Variants in LARS2 observed in about 807,000 individuals in gnomAD.
LARS2 encodes the protein leucine--tRNA ligase, mitochondrial.
Under a neutral mutation model 116.6 loss-of-function variants are expected in LARS2, and 81 were observed. That is an observed-to-expected ratio of 0.69 (90% CI 0.58 to 0.84). The LOEUF (loss-of-function observed/expected upper bound fraction) is 0.84, where lower values mean the gene tolerates loss of function less well. Among genes scored for constraint, LARS2 ranks in the 40% least tolerant of loss-of-function variants. LARS2 has a pLI of 0.00. For missense variants in LARS2, 968 were observed against 1,114.5 expected (o/e 0.87, Z 1.87); for synonymous variants, 396 against 407.2 (o/e 0.97, Z 0.33).
intron 8 of LARS2, among the ~76,000 whole-genome samples, chr3:45,473,595 G>GT (rs1341248316): frequency 2.0e-5 from 3 of 151,612 alleles, no homozygotes; most frequent in Non-Finnish European, 4.4e-5. Flanking sequence ...TGTTGGCCAG[G>GT]CTGGTCTCAA....
At chr3:45,540,747 T>TCTGG (rs1700780668) in intron 20 of LARS2, among the ~76,000 whole-genome samples, 1 of 48,474 alleles carries the variant, frequency 2.1e-5, no homozygotes, top group Non-Finnish European at 4.4e-5. Flanking sequence ...TATCTATCTG[T>TCTGG]CTATCTATCT....
At chr3:45,413,315 G>A (rs896173923) in intron 4 of LARS2, among the ~76,000 whole-genome samples, 4 of 152,226 alleles carry the variant, frequency 2.6e-5, no homozygotes, top group East Asian at 1.9e-4. Flanking sequence ...AGTGATGTGC[G>A]ATGCTGTGAG....
intron 7 of LARS2, among the ~76,000 whole-genome samples, chr3:45,448,589 A>G (rs1018907199): frequency 5.3e-5 from 8 of 151,860 alleles, no homozygotes; most frequent in African/African-American, 1.7e-4. Flanking sequence ...ATTTACCCAC[A>G]TATTTATTAA....
intron 11 of LARS2, among the ~76,000 whole-genome samples, chr3:45,487,178 A>G (rs1699829476): frequency 6.6e-6 from 1 of 152,184 alleles, no homozygotes; most frequent in African/African-American, 2.4e-5. Context: ...TCTCCTTTTA[A>G]ACATTACTCC....
At chr3:45,415,752 G>A (rs1355575729) in intron 4 of LARS2, among the ~76,000 whole-genome samples, 1 of 151,584 alleles carries the variant, frequency 6.6e-6, no homozygotes. Flanking sequence ...GGAGGCTCAG[G>A]CAGGAGGATC....
At chr3:45,415,223 G>C (rs1029308187) in intron 4 of LARS2, among the ~76,000 whole-genome samples, 2 of 152,220 alleles carry the variant, frequency 1.3e-5, no homozygotes, top group Non-Finnish European at 2.9e-5. Context: ...TTGGGGGGTA[G>C]AGGATATATC....
At chr3:45,411,610 C>G (rs935983281) in intron 4 of LARS2, among the ~76,000 whole-genome samples, 1 of 151,982 alleles carries the variant, frequency 6.6e-6, no homozygotes, top group Non-Finnish European at 1.5e-5. Context: ...TGCAGAGATC[C>G]CTGATATAAT....
At chr3:45,476,409 A>G (rs1699609572) in intron 9 of LARS2, 59 bp from the exon 10 acceptor site, 1 of 1,568,234 alleles carries the variant, frequency 6.4e-7, no homozygotes, top group Middle Eastern at 1.7e-4. Context: ...ACAGTTAGGG[A>G]GCAACACAGC....
intron 6 of LARS2, among the ~76,000 whole-genome samples, chr3:45,429,698 C>CTTTTTTT (rs35874596): frequency 9.2e-5 from 10 of 108,134 alleles, no homozygotes; most frequent in Admixed American, 1.2e-4. Context: ...CATCCTTCTG[C>CTTTTTTT]TTTTTTTTTT....
At chr3:45,459,498 C>G (rs1370290794) in intron 8 of LARS2, among the ~76,000 whole-genome samples, 1 of 152,212 alleles carries the variant, frequency 6.6e-6, no homozygotes, top group Non-Finnish European at 1.5e-5. Context: ...TTAGTTTTCT[C>G]ATCAATACAA....
rs2125712092 is a variant in LARS2 at position 45,462,461 on chromosome 3, G to A, written c.750+3575G>A. 1.3e-5 allele frequency among the ~76,000 whole-genome samples: 2 copies of A among 152,106 alleles called. 1 individual carries two copies. The highest frequency in any genetic ancestry group is 4.2e-4 in the South Asian group (2 of 4,814). On this transcript the variant is annotated intron_variant, in intron 8 of 21. Transcript: ENST00000645846. ...AGAAAGAAAGAAAGAAGCAGAAGGG[G>A]CAGTGCCAAAAACTGTTCCTTTTGT...
chr3:45,406,568 G>A (rs565419236), intron 4 of LARS2, among the ~76,000 whole-genome samples: 1 of 152,298 alleles, frequency 6.6e-6, no homozygotes, highest in Middle Eastern at 3.4e-3. Context: ...CAGGTGGTTT[G>A]GGGGTGATGA....
Position 45,517,993 on chromosome 3 carries a change from C to A in LARS2, c.2135C>A (p.Pro712His). The change falls in exon 18 of 22, where the codon CCC becomes CAC. Residue 712 changes from proline (P) to histidine (H), a missense_variant. Coordinates refer to ENST00000645846, the MANE Select transcript of LARS2 (RefSeq NM_015340.4). ...GAGGCCAGGGCTTCTGGGAAGTCTCCCCAGCCTCAGCTGCTGAGTAACAAG... is the reference window on the plus strand; with the variant it reads ...GAGGCCAGGGCTTCTGGGAAGTCTCACCAGCCTCAGCTGCTGAGTAACAAG... The part of the protein sequence containing the change: ...FIEARASGKS[P>H]QPQLLSNKEK... The A allele has an allele frequency of 6.2e-7, 1 of 1,613,922 alleles. No individual in the cohort carries two copies. The highest frequency in any genetic ancestry group is 8.5e-7 in the Non-Finnish European group (1 of 1,179,820).
At chr3:45,536,388 C>T (rs779450232) in intron 20 of LARS2, among the ~76,000 whole-genome samples, 1 of 152,202 alleles carries the variant, frequency 6.6e-6, no homozygotes, top group Non-Finnish European at 1.5e-5. Context: ...GGATTATAGG[C>T]GTGAGCCACC....
At chr3:45,399,003 C>A (rs1429915570) in intron 3 of LARS2, among the ~76,000 whole-genome samples, 1 of 152,160 alleles carries the variant, frequency 6.6e-6, no homozygotes, top group Non-Finnish European at 1.5e-5. Flanking sequence ...AGTCAGTGAT[C>A]CAATAAGGAC....
chr3:45,400,047 G>A (rs926077562), intron 3 of LARS2, among the ~76,000 whole-genome samples, 198 bp from the exon 4 acceptor site: 1 of 151,816 alleles, frequency 6.6e-6, no homozygotes, highest in Non-Finnish European at 1.5e-5. Context: ...GCATTATTTT[G>A]GACATTCTTT....
chr3:45,417,679 C>G, intron 5 of LARS2, 106 bp downstream of exon 5: 1 of 681,516 alleles, frequency 1.5e-6, no homozygotes, highest in Middle Eastern at 3.2e-4. Context: ...AACACTGCAG[C>G]GTACCAAGAG....
At position 45,476,586 on chromosome 3, in the gene LARS2, C is replaced by T. The variant is rs746272426; in HGVS notation, c.977C>T (p.Ser326Phe). Reference protein sequence around the residue: ...PSHRLLHGHSSLKEALRMALV... With the variant: ...PSHRLLHGHSFLKEALRMALV... ...CACAGACTCCTACATGGGCACAGCT[C>T]TCTGAAGGAAGCCTTGAGGATGGCC... The change falls in exon 10 of 22, where the codon TCT becomes TTT. Residue 326 changes from serine to phenylalanine, a missense_variant. Physicochemically the swap from Ser to Phe is radical, Grantham distance 155 (BLOSUM62 -2). Coordinates refer to ENST00000645846, the MANE Select transcript of LARS2 (RefSeq NM_015340.4). 2 of 1,614,196 alleles carry T rather than the reference C, an allele frequency of 1.2e-6. No individual in the cohort carries two copies. The highest frequency in any genetic ancestry group is 1.7e-6 in the Non-Finnish European group (2 of 1,180,024).
intron 3 of LARS2, among the ~76,000 whole-genome samples, chr3:45,398,387 C>T (rs1300828847): frequency 1.3e-5 from 2 of 151,920 alleles, no homozygotes; most frequent in African/African-American, 4.8e-5. Context: ...ATTTAAAAAC[C>T]CCATCCCACA....
Sources: gnomAD v4.1 joint callset for allele counts (sites outside exome capture counted in the v4.1 genomes callset) on GRCh38, gnomAD v4.1.1 for gene constraint, MANE v1.5 for transcripts, NCBI Gene and HGNC (gene_info 2026-07-23, HGNC 2026-07-21) for gene names.